The following TTBK1 variants were observed in gnomAD, a reference collection of about 807,000 sequenced individuals.
TTBK1 encodes the protein tau-tubulin kinase 1.
TTBK1 carries 34 observed loss-of-function variants against 108.5 expected under a neutral mutation model. The ratio of observed to expected loss-of-function variants is 0.31; its 90% CI spans 0.24 to 0.42. TTBK1 has a LOEUF of 0.42. Ranked by LOEUF, TTBK1 falls within the 10% of genes least tolerant of loss-of-function variation. The pLI, the probability that TTBK1 is intolerant of heterozygous loss-of-function variation, is 1.00. For missense variants in TTBK1, 1,539 were observed against 1,826.0 expected (o/e 0.84, Z 2.86); for synonymous variants, 809 against 795.1 (o/e 1.02, Z -0.29).
In TTBK1 at chr6:43,255,751, G is replaced by A. The variant is rs536012213; in HGVS notation, c.756G>A (p.Lys252=). 8 of 1,614,040 alleles carry A rather than the reference G, an allele frequency of 5.0e-6. No individual in the cohort carries two copies. The African/African-American group carries it at 8.0e-5, about 16-fold the overall frequency. ...TCCAGGAACAGGTAGGGATGATCAA[G>A]GAGAAGTATGAGCACCGGATGCTGC... ...IKDKEQVGMI[K]EKYEHRMLLK... is the part of the protein sequence containing the mutation. Residue 252 remains lysine, a synonymous_variant, in exon 9 of 15, where the codon AAG becomes AAA. Coordinates refer to ENST00000259750, the MANE Select transcript of TTBK1 (RefSeq NM_032538.3).
chr6:43,284,892 C>T, intron 14 of TTBK1, 91 bp from the exon 15 acceptor site: 2 of 1,413,494 alleles, frequency 1.4e-6, no homozygotes, highest in Non-Finnish European at 1.8e-6. Flanking sequence ...TGCCGGACTC[C>T]AGTGCTCAGT....
At chr6:43,278,671 G>A (rs566609586) in intron 13 of TTBK1, among the ~76,000 whole-genome samples, 2 of 152,350 alleles carry the variant, frequency 1.3e-5, no homozygotes, top group South Asian at 4.1e-4. Flanking sequence ...AAAGAGCCAC[G>A]CACACTGACG....
chr6:43,277,784 G>T (rs1778046054), intron 13 of TTBK1, among the ~76,000 whole-genome samples: 1 of 152,342 alleles, frequency 6.6e-6, no homozygotes, highest in East Asian at 1.9e-4. Flanking sequence ...GGGAGAGGCG[G>T]TGCTGAGTGC....
chr6:43,266,198 G>A (rs757325393), intron 13 of TTBK1, among the ~76,000 whole-genome samples: 4 of 152,192 alleles, frequency 2.6e-5, no homozygotes, highest in Non-Finnish European at 2.9e-5. Context: ...TTGTGTCAGC[G>A]GAGCTCGAGC....
At position 43,282,572 on chromosome 6, in the gene TTBK1, A is replaced by C. The variant is rs771609914; in HGVS notation, c.1987-155A>C. On this transcript the variant is annotated intron_variant, in intron 13 of 14. Transcript: ENST00000259750. The surrounding 1 kb of genome is among the most constrained non-coding windows in gnomAD (Gnocchi z 5.4). ...AGGCCCTGGGGACAGAGCAGTGAAC[A>C]AGACAGACCCAGTGCCTGTGCTTAA... Among the ~76,000 whole-genome samples, 9 of 152,202 alleles carry C rather than the reference A, an allele frequency of 5.9e-5. No individual in the cohort carries two copies. Among genetic ancestry groups the C allele is most frequent in the Non-Finnish European group, 1.2e-4 (8 of 68,044 alleles).
chr6:43,264,841 G>T (rs1389946576), intron 13 of TTBK1, among the ~76,000 whole-genome samples: 1 of 152,198 alleles, frequency 6.6e-6, no homozygotes, highest in Non-Finnish European at 1.5e-5. Context: ...TTGAGCACAG[G>T]GACAGGTGTG....
chr6:43,247,092 G>T (rs1777110996), intron 2 of TTBK1, among the ~76,000 whole-genome samples: 2 of 152,338 alleles, frequency 1.3e-5, no homozygotes, highest in South Asian at 2.1e-4. Flanking sequence ...GAGGGGTGGG[G>T]GAGGGAGCTT....
chr6:43,254,487 C>T (rs1246916051), intron 5 of TTBK1, 60 bp from the exon 6 acceptor site: 3 of 1,244,644 alleles, frequency 2.4e-6, no homozygotes, highest in Admixed American at 2.5e-5. Flanking sequence ...TCTTGGTGCC[C>T]CTTGAGGTGG....
chr6:43,284,485 A>G (rs1461535403), intron 14 of TTBK1, among the ~76,000 whole-genome samples, 173 bp downstream of exon 14: 1 of 150,748 alleles, frequency 6.6e-6, no homozygotes, highest in East Asian at 1.9e-4. Context: ...TTCGGGTTCC[A>G]GCCCTGTCAC....
chr6:43,253,065 G>A lies in TTBK1; in HGVS notation c.256+179G>A, dbSNP rs2150685570. 6.6e-6 allele frequency among the ~76,000 whole-genome samples: 1 copy of A among 152,230 alleles called. No individual in the cohort carries two copies. Among genetic ancestry groups the A allele is most frequent in the Middle Eastern group, 3.4e-3 (1 of 294 alleles). ...CAGAGTCTAGGAGAGATGGGACCGGGGTCTAAGACAGTGATGGGGCAGGAG... is the reference window on the plus strand; with the variant it reads ...CAGAGTCTAGGAGAGATGGGACCGGAGTCTAAGACAGTGATGGGGCAGGAG... On this transcript the variant is annotated intron_variant, in intron 3 of 14. Transcript: ENST00000259750. The surrounding 1 kb of genome is among the most constrained non-coding windows in gnomAD (Gnocchi z 5.8).
At chr6:43,248,347 C>T (rs1777154340) in intron 2 of TTBK1, among the ~76,000 whole-genome samples, 1 of 151,998 alleles carries the variant, frequency 6.6e-6, no homozygotes, top group South Asian at 2.1e-4. Flanking sequence ...GGAGGCAGAG[C>T]TCAAGAACCA....
rs1293653999 is a variant in TTBK1, at chr6:43,287,532, T to G, written c.*2156T>G. The G allele has an allele frequency of 2.0e-5, 3 of 152,236 alleles. No individual in the cohort carries two copies. Among genetic ancestry groups the G allele is most frequent in the Non-Finnish European group, 2.9e-5 (2 of 68,020 alleles). 9.4% of individuals were successfully genotyped at this position (152,236 alleles called of 1,614,324 possible). ...GCTGGCAGAGACGCAAAACCCAGTC[T>G]GCCCTTGGGATTCCAAACCTCCCTA... is the stretch of plus-strand genomic sequence containing the variant. On this transcript the variant is annotated 3_prime_UTR_variant, in exon 15 of 15. Coordinates refer to ENST00000259750, the MANE Select transcript of TTBK1 (RefSeq NM_032538.3). This position sits in a 1 kb window ranked among gnomAD's most constrained non-coding sequence, Gnocchi z 4.1.
chr6:43,283,833 G>C lies in TTBK1; in HGVS notation c.3093G>C (p.Glu1031Asp). 1 of 1,610,704 alleles carries C rather than the reference G, an allele frequency of 6.2e-7. No homozygotes were observed. Among genetic ancestry groups the C allele is most frequent in the Non-Finnish European group, 8.5e-7 (1 of 1,178,134 alleles). Reference sequence around the variant, plus strand: ...GGCCAGCCCCGGTGTCCCCGCTGGAGCCAAGCCCTGAGAAAGTGGCCACCA... The same window carrying C: ...GGCCAGCCCCGGTGTCCCCGCTGGACCCAAGCCCTGAGAAAGTGGCCACCA... ...ADGPAPVSPL[E>D]PSPEKVATIS... Residue 1031 changes from glutamate (E) to aspartate (D), a missense_variant, in exon 14 of 15, where the codon GAG (glutamate) becomes GAC (aspartate). Physicochemically the swap from Glu to Asp is conservative, Grantham distance 45. Around this residue, in one of 5 missense-constraint regions of TTBK1, gnomAD observed 1,055 missense variants for 1,086.5 expected, o/e 0.97. Transcript: ENST00000259750. The surrounding 1 kb of genome is among the most constrained non-coding windows in gnomAD (Gnocchi z 8.1).
chr6:43,284,180 G>C lies in TTBK1; in HGVS notation c.3440G>C (p.Gly1147Ala), dbSNP rs1469498516. 1 of 1,567,088 alleles carries C rather than the reference G, an allele frequency of 6.4e-7. No homozygotes were observed. The highest frequency in any genetic ancestry group is 8.6e-7 in the Non-Finnish European group (1 of 1,164,122). ...EPAAALPRKS[G>A]RAAATRSRIP... Reference sequence around the variant, plus strand: ...GCAGCGGCCTTGCCCAGGAAGAGCGGGAGGGCAGCCGCCACCAGGAGCCGG... The same window carrying C: ...GCAGCGGCCTTGCCCAGGAAGAGCGCGAGGGCAGCCGCCACCAGGAGCCGG... Residue 1147 changes from glycine to alanine, a missense_variant, in exon 14 of 15, where the codon GGG becomes GCG. Coordinates refer to ENST00000259750, the MANE Select transcript of TTBK1 (RefSeq NM_032538.3).
At position 43,282,006 on chromosome 6, in the gene TTBK1, C is replaced by T. The variant is rs1361287625; in HGVS notation, c.1987-721C>T. Among the ~76,000 whole-genome samples, 1 of 152,156 alleles carries T rather than the reference C, an allele frequency of 6.6e-6. No individual in the cohort carries two copies. Among genetic ancestry groups the T allele is most frequent in the Non-Finnish European group, 1.5e-5 (1 of 68,034 alleles). ...CCATCACATTGCCAAGGGCTCTGCA[C>T]AAAACTTTGAAGAGGAAAATGGAAT... On this transcript the variant is annotated intron_variant, in intron 13 of 14. Transcript: ENST00000259750. The surrounding 1 kb of genome is among the most constrained non-coding windows in gnomAD (Gnocchi z 5.4).
rs201142285 is a variant in TTBK1, at chr6:43,259,278, C to T, written c.1248+9C>T. ...GGATCAACATCGGCAAAGTAACTGC[C>T]GCCAGGGCGAAGGGCGTGGGTGGCC... On this transcript the variant is annotated intron_variant, in intron 11 of 14. Transcript: ENST00000259750. The surrounding 1 kb of genome is among the most constrained non-coding windows in gnomAD (Gnocchi z 6.7). The T allele has an allele frequency of 5.2e-5, 81 of 1,544,044 alleles. 1 individual carries two copies. The highest frequency in any genetic ancestry group is 2.2e-4 in the Admixed American group (11 of 50,740).
chr6:43,279,051 T>A (rs919268391), intron 13 of TTBK1, among the ~76,000 whole-genome samples: 1 of 152,220 alleles, frequency 6.6e-6, no homozygotes, highest in African/African-American at 2.4e-5. Flanking sequence ...CTGGTGGATG[T>A]GCTTCATAAC....
chr6:43,272,579 A>G, intron 13 of TTBK1: 1 of 985,440 alleles, frequency 1.0e-6, no homozygotes, highest in Non-Finnish European at 1.2e-6. Context: ...TATATCCTCC[A>G]TGGTGGAGGG....
At chr6:43,260,781 T>G (rs2150693179) in intron 12 of TTBK1, among the ~76,000 whole-genome samples, 1 of 152,212 alleles carries the variant, frequency 6.6e-6, no homozygotes, top group South Asian at 2.1e-4. Context: ...TAGAGAAAGT[T>G]GAGGGCTGAA....
Sources: gnomAD v4.1 joint callset for allele counts (sites outside exome capture counted in the v4.1 genomes callset) on GRCh38, gnomAD v4.1.1 for gene constraint, gnomAD v4.1.1 regional missense constraint, Gnocchi (gnomAD v3.1) non-coding constraint, MANE v1.5 for transcripts, NCBI Gene and HGNC (gene_info 2026-07-23, HGNC 2026-07-21) for gene names.